The following UNC5B variants were observed in gnomAD, a reference collection of about 807,000 sequenced individuals.
UNC5B encodes netrin receptor UNC5B.
UNC5B carries 56 observed loss-of-function variants against 103.7 expected under a neutral mutation model. The observed-to-expected ratio is 0.54, with a 90% CI of 0.44 to 0.67. The LOEUF is 0.67. Among genes scored for constraint, UNC5B ranks in the 30% least tolerant of loss-of-function variants. UNC5B has a pLI of 0.00. For synonymous variants in UNC5B, 577 were observed against 542.0 expected (o/e 1.06, Z -0.90); for missense variants, 1,194 against 1,284.5 (o/e 0.93, Z 1.08).
intron 1 of UNC5B, 38 bp from the exon 2 acceptor site, chr10:71,279,783 A>G (rs1844869365): frequency 6.3e-7 from 1 of 1,590,434 alleles, no homozygotes; most frequent in Admixed American, 1.8e-5. Context: ...GGGCCCTCCC[A>G]GCACACAGCC....
chr10:71,267,964 C>A (rs764840294), intron 1 of UNC5B, among the ~76,000 whole-genome samples: 2 of 152,204 alleles, frequency 1.3e-5, no homozygotes, highest in South Asian at 2.1e-4. Flanking sequence ...AGTTACTACT[C>A]CTCTGAGGTC....
At chr10:71,224,364 G>GACGCGC (rs1197780490) in intron 1 of UNC5B, among the ~76,000 whole-genome samples, 17 of 97,350 alleles carry the variant, frequency 1.7e-4, no homozygotes, top group Middle Eastern at 5.1e-3. Context: ...TCTGTATGTA[G>GACGCGC]ACACACACAC....
chr10:71,243,904 C>A (rs1036378343), intron 1 of UNC5B, among the ~76,000 whole-genome samples: 3 of 152,242 alleles, frequency 2.0e-5, no homozygotes, highest in Non-Finnish European at 4.4e-5. Flanking sequence ...TTGGAGCTAA[C>A]CATTGTTCTC....
chr10:71,246,842 G>C (rs1029869030), intron 1 of UNC5B, among the ~76,000 whole-genome samples: 1 of 152,210 alleles, frequency 6.6e-6, no homozygotes, highest in Non-Finnish European at 1.5e-5. Context: ...CTGACCAGCC[G>C]GCAGGCTCCC....
chr10:71,230,152 G>A (rs1843655080), intron 1 of UNC5B, among the ~76,000 whole-genome samples: 1 of 152,138 alleles, frequency 6.6e-6, no homozygotes, highest in Admixed American at 6.5e-5. Context: ...GACCATTCTA[G>A]ATAGTCCTTC....
chr10:71,286,598 T>TATGGCGTG, intron 4 of UNC5B, 91 bp from the exon 5 acceptor site: 1 of 1,505,952 alleles, frequency 6.6e-7, no homozygotes, highest in South Asian at 1.2e-5. Flanking sequence ...CTGCCACGAC[T>TATGGCGTG]ATGGCGTGGA....
At chr10:71,229,096 A>G (rs1166893288) in intron 1 of UNC5B, among the ~76,000 whole-genome samples, 1 of 152,200 alleles carries the variant, frequency 6.6e-6, no homozygotes, top group Admixed American at 6.5e-5. Context: ...GAGCTGCTTT[A>G]TAAAATGCAG....
intron 1 of UNC5B, among the ~76,000 whole-genome samples, chr10:71,227,939 A>T (rs185279604): frequency 5.3e-5 from 8 of 152,320 alleles, no homozygotes; most frequent in Admixed American, 5.2e-4. Flanking sequence ...AAGTAAAACT[A>T]TTCCTGCCAG....
At position 71,225,216 on chromosome 10, in the gene UNC5B, C is replaced by T. The variant is rs113844743; in HGVS notation, c.79+12152C>T. Among the ~76,000 whole-genome samples the T allele has an allele frequency of 3.6e-3, 547 of 152,176 alleles. 4 individuals carry two copies. Among genetic ancestry groups the T allele is most frequent in the African/African-American group, 0.012 (514 of 41,492 alleles). On this transcript the variant is annotated intron_variant, in intron 1 of 16. Transcript: ENST00000335350. ...AAAAGAAGTTGAATGCCAGGTAGGG[C>T]CAAGTGAGAAAACACCCAGAGAGGT...
chr10:71,232,922 A>G (rs1843710602), intron 1 of UNC5B, among the ~76,000 whole-genome samples: 1 of 152,216 alleles, frequency 6.6e-6, no homozygotes, highest in African/African-American at 2.4e-5. Flanking sequence ...GAGAGGAAGA[A>G]ACCAAAGCTC....
intron 1 of UNC5B, among the ~76,000 whole-genome samples, chr10:71,225,840 G>C (rs372119610): frequency 2.6e-5 from 4 of 151,472 alleles, no homozygotes; most frequent in Non-Finnish European, 5.9e-5. Flanking sequence ...GCTTGCCACC[G>C]TGCCACACAG....
At chr10:71,247,411 C>A (rs975817794) in intron 1 of UNC5B, among the ~76,000 whole-genome samples, 1 of 152,224 alleles carries the variant, frequency 6.6e-6, no homozygotes, top group Non-Finnish European at 1.5e-5. Flanking sequence ...GCAGCAGTCC[C>A]CTCCACCCCT....
chr10:71,301,063 C>CCT lies in UNC5B; in HGVS notation c.*1790_*1791dup, dbSNP rs1276006580. 13 of 152,534 alleles carry CCT rather than the reference C, an allele frequency of 8.5e-5. No homozygotes were observed. The East Asian group carries it at 2.1e-3, about 25-fold the overall frequency. 9.4% of individuals were successfully genotyped at this position (152,534 alleles called of 1,614,324 possible). On this transcript the variant is annotated 3_prime_UTR_variant, in exon 17 of 17. Coordinates refer to ENST00000335350, the MANE Select transcript of UNC5B (RefSeq NM_170744.5). ...GCCAGCACAGAGGCCTCTTCAAAGGCCTCTCCCTCTTGGCACTCCAGGCAA... is the reference window on the plus strand; with the variant it reads ...GCCAGCACAGAGGCCTCTTCAAAGGCCTCTCTCCCTCTTGGCACTCCAGGCAA...
At chr10:71,224,040 C>T (rs1471374857) in intron 1 of UNC5B, among the ~76,000 whole-genome samples, 1 of 152,216 alleles carries the variant, frequency 6.6e-6, no homozygotes, top group Non-Finnish European at 1.5e-5. Flanking sequence ...CAGGCAGCAA[C>T]AAGCCTGGCC....
Position 71,250,241 on chromosome 10 carries a change from C to G in UNC5B, c.80-29580C>G, listed in dbSNP as rs562553091. The stretch of plus-strand genomic sequence containing the variant: ...GGGGAGACATCAGAACTCCTTTCCC[C>G]CCGGCCCTAGGGATGACCCCGAGCC... On this transcript the variant is annotated intron_variant, in intron 1 of 16. Transcript: ENST00000335350. 7.6e-3 allele frequency among the ~76,000 whole-genome samples: 1,159 copies of G among 152,330 alleles called. 16 individuals are homozygous for G. Among genetic ancestry groups the G allele is most frequent in the African/African-American group, 0.027 (1,107 of 41,574 alleles).
intron 4 of UNC5B, among the ~76,000 whole-genome samples, chr10:71,285,720 C>A (rs1266453105): frequency 6.6e-6 from 1 of 152,216 alleles, no homozygotes; most frequent in East Asian, 1.9e-4. Context: ...CAGTCTCTAT[C>A]TCCTGCCCCA....
At chr10:71,235,547 T>C (rs1386350086) in intron 1 of UNC5B, among the ~76,000 whole-genome samples, 1 of 152,114 alleles carries the variant, frequency 6.6e-6, no homozygotes, top group Admixed American at 6.5e-5. Flanking sequence ...CCAGAGGGGA[T>C]GTGGTAGAGG....
In UNC5B at chr10:71,212,974, G is replaced by C. The variant is rs1180302415; in HGVS notation, c.-12G>C. 6 of 1,359,754 alleles carry C rather than the reference G, an allele frequency of 4.4e-6. No homozygotes were observed. The highest frequency in any genetic ancestry group is 1.5e-5 in the African/African-American group (1 of 67,072). 84.2% of individuals were successfully genotyped at this position (1,359,754 alleles called of 1,614,324 possible). On this transcript the variant is annotated 5_prime_UTR_variant, in exon 1 of 17. Coordinates refer to ENST00000335350, the MANE Select transcript of UNC5B (RefSeq NM_170744.5). ...CCCTGGGGGAGAGGCGCCCGAACCA[G>C]GCCGCGGGAGCATGGGGGCCCGGAG...
At position 71,296,689 on chromosome 10, in the gene UNC5B, C is replaced by T. The variant is rs367900241; in HGVS notation, c.2437C>T (p.Arg813Trp). 56 of 1,611,150 alleles carry T rather than the reference C, an allele frequency of 3.5e-5. 1 individual carries two copies. Among genetic ancestry groups the T allele is most frequent in the Admixed American group, 6.7e-5 (4 of 59,702 alleles). The change falls in exon 15 of 17, where the codon CGG (arginine) becomes TGG (tryptophan). Residue 813 changes from arginine (R) to tryptophan (W), a missense_variant. Arg to Trp is a moderately radical substitution (Grantham distance 101). Transcript: ENST00000335350. The part of the protein sequence containing the change: ...STELTCKICV[R>W]QVEGEGQIFQ... ...AGAGCTCACCTGCAAGATCTGCGTGCGGCAAGTGGAAGGGGAGGGCCAGAT... is the reference window on the plus strand; with the variant it reads ...AGAGCTCACCTGCAAGATCTGCGTGTGGCAAGTGGAAGGGGAGGGCCAGAT...
Sources: allele counts gnomAD v4.1 joint callset (sites outside exome capture counted in the v4.1 genomes callset), GRCh38; gene constraint gnomAD v4.1.1; transcripts MANE v1.5; gene names NCBI Gene and HGNC (gene_info 2026-07-23, HGNC 2026-07-21).